The following ARAP1 variants were observed in gnomAD, a reference collection of about 807,000 sequenced individuals.
The protein encoded by ARAP1 is arf-GAP with Rho-GAP domain, ANK repeat and PH domain-containing protein 1.
ARAP1 carries 76 observed loss-of-function variants against 172.2 expected under a neutral mutation model. The ratio of observed to expected loss-of-function variants is 0.44; its 90% CI spans 0.37 to 0.53. ARAP1 has a LOEUF of 0.53. Among genes scored for constraint, ARAP1 ranks in the 20% least tolerant of loss-of-function variants. ARAP1 has a pLI of 0.00. For synonymous variants in ARAP1, 804 were observed against 803.3 expected (o/e 1.00, Z -0.01); for missense variants, 1,686 against 1,977.5 (o/e 0.85, Z 2.80).
chr11:72,723,176 C>T (rs1027392111), intron 3 of ARAP1, among the ~76,000 whole-genome samples: 3 of 152,086 alleles, frequency 2.0e-5, no homozygotes, highest in African/African-American at 7.2e-5. Flanking sequence ...GGTGTGGTAG[C>T]ACACACTTGT....
Position 72,697,326 on chromosome 11 carries a change from A to G in ARAP1, c.2950T>C (p.Cys984Arg), listed in dbSNP as rs768523596. The change falls in exon 21 of 35, where the codon TGC becomes CGC. Residue 984 changes from cysteine (C) to arginine (R), a missense_variant. By Grantham distance (180) the Cys-to-Arg change is radical. Around this residue, in one of 5 missense-constraint regions of ARAP1, gnomAD observed 274 missense variants for 262.7 expected, o/e 1.04. Coordinates refer to ENST00000393609, the MANE Select transcript of ARAP1 (RefSeq NM_001040118.3). ...VYRCVDYITQCGLTSEGIYRK... is the reference protein window; with the variant it reads ...VYRCVDYITQRGLTSEGIYRK... Reference sequence around the variant, plus strand: ...GCACCCTAGGGGCAGGGCTCACCGCACTGCGTGATGTAGTCCACACAGCGG... The same window carrying G: ...GCACCCTAGGGGCAGGGCTCACCGCGCTGCGTGATGTAGTCCACACAGCGG... 3 of 1,586,350 alleles carry G rather than the reference A, an allele frequency of 1.9e-6. No homozygotes were observed. The East Asian group carries it at 6.9e-5, about 36-fold the overall frequency.
intron 30 of ARAP1, chr11:72,689,651 G>C (rs1404023794): frequency 2.0e-5 from 3 of 152,232 alleles, no homozygotes; most frequent in Admixed American, 6.5e-5. Flanking sequence ...GCTCTCACAG[G>C]GGGTGTGGCT....
At chr11:72,705,501 G>A (rs1235935562) in intron 13 of ARAP1, 1 of 337,498 alleles carries the variant, frequency 3.0e-6, no homozygotes, top group Non-Finnish European at 5.4e-6. Context: ...TTCTCTAAAG[G>A]GCGAAATAGT....
intron 29 of ARAP1, 77 bp from the exon 30 acceptor site, chr11:72,692,862 G>T (rs1338701049): frequency 1.3e-6 from 2 of 1,578,200 alleles, no homozygotes; most frequent in Non-Finnish European, 1.7e-6. Context: ...GATGTGTGGG[G>T]TTGGGGTGTG....
intron 22 of ARAP1, 99 bp from the exon 23 acceptor site, chr11:72,696,753 C>T: frequency 9.4e-7 from 1 of 1,061,254 alleles, no homozygotes; most frequent in Admixed American, 2.7e-5. Flanking sequence ...GACAGCAGTC[C>T]CTGTGCCCTC....
In ARAP1 at chr11:72,693,370, G is replaced by A. The variant is rs767053238; in HGVS notation, c.3909C>T (p.Tyr1303=). 5.6e-6 allele frequency: 9 copies of A among 1,613,942 alleles called. No homozygotes were observed. The highest frequency in any genetic ancestry group is 1.3e-5 in the African/African-American group (1 of 75,016). ...GCAAGCAGCTGCTGTTGAGGATGAA[G>A]TAGCGATCGTGGAAGCCACCTGAGG... ...GLPSGGFHDR[Y]FILNSSCLRL... is the part of the protein sequence containing the mutation. Residue 1303 remains tyrosine (Y), a synonymous_variant, in exon 29 of 35, where the codon TAC becomes TAT. Coordinates refer to ENST00000393609, the MANE Select transcript of ARAP1 (RefSeq NM_001040118.3). The surrounding 1 kb of genome is among the most constrained non-coding windows in gnomAD (Gnocchi z 4.6).
At chr11:72,746,755 C>A (rs1858380249) in intron 1 of ARAP1, among the ~76,000 whole-genome samples, 2 of 152,028 alleles carry the variant, frequency 1.3e-5, no homozygotes, top group South Asian at 4.2e-4. Context: ...CTGGGGGATC[C>A]CCAGAGTCGC....
chr11:72,711,564 C>A, intron 7 of ARAP1, 65 bp from the exon 8 acceptor site: 1 of 1,401,344 alleles, frequency 7.1e-7, no homozygotes, highest in South Asian at 1.2e-5. Flanking sequence ...AGGACCACCC[C>A]AGCCCTCAGA....
rs537493553 is a variant in ARAP1, at chr11:72,741,220, G to A, written c.-127-8623C>T. Among the ~76,000 whole-genome samples, 1 of 151,804 alleles carries A rather than the reference G, an allele frequency of 6.6e-6. No individual in the cohort carries two copies. The highest frequency in any genetic ancestry group is 1.5e-5 in the Non-Finnish European group (1 of 67,952). ...GGCCCCTCAGCTTGCCTGGACTTCT[G>A]GGCCCTCACCGCTGCCTCCTGCCTC... On this transcript the variant is annotated intron_variant, in intron 1 of 34. Transcript: ENST00000393609. The surrounding 1 kb of genome is among the most constrained non-coding windows in gnomAD (Gnocchi z 4.5).
chr11:72,705,945 C>T, intron 12 of ARAP1, 55 bp from the exon 13 acceptor site: 1 of 1,577,062 alleles, frequency 6.3e-7, no homozygotes, highest in Non-Finnish European at 8.7e-7. Flanking sequence ...CACGGGAGCA[C>T]TTACCCACCC....
rs757748235 is a variant in ARAP1, at chr11:72,697,373, G to C, written c.2903C>G (p.Ser968Trp). The change falls in exon 21 of 35, where the codon TCG becomes TGG. Residue 968 changes from serine to tryptophan, a missense_variant. Around this residue, in one of 5 missense-constraint regions of ARAP1, gnomAD observed 274 missense variants for 262.7 expected, o/e 1.04. Transcript: ENST00000393609. ...DTLSEQQLGD[S>W]DIPVIVYRCV... ...GCGGTACACGATCACCGGGATATCC[G>C]AGTCCCCAAGCTGCTGCTCCGACAG... 2.5e-6 allele frequency: 4 copies of C among 1,607,326 alleles called. No individual in the cohort carries two copies. The South Asian group carries it at 4.4e-5, about 18-fold the overall frequency.
intron 1 of ARAP1, among the ~76,000 whole-genome samples, chr11:72,738,774 C>G (rs189841689): frequency 6.6e-6 from 1 of 152,230 alleles, no homozygotes; most frequent in African/African-American, 2.4e-5. Context: ...CTCACACTAC[C>G]TCAAGGGCCA....
intron 18 of ARAP1, among the ~76,000 whole-genome samples, 180 bp from the exon 19 acceptor site, chr11:72,698,286 T>A (rs1856312127): frequency 6.6e-6 from 1 of 152,032 alleles, no homozygotes; most frequent in Non-Finnish European, 1.5e-5. Flanking sequence ...TCATACCCAC[T>A]CAGATGTGCC....
At chr11:72,747,152 C>G (rs1858393347) in intron 1 of ARAP1, among the ~76,000 whole-genome samples, 1 of 152,202 alleles carries the variant, frequency 6.6e-6, no homozygotes, top group East Asian at 1.9e-4. Context: ...CCAGGTGTGA[C>G]CCCTGGTTCT....
Position 72,713,023 on chromosome 11 carries a change from T to TG in ARAP1, c.747+152dup. ...GAGCGCTGTGGCTACACGTGACTCC[T>TG]GACCCCCGTATGGCAAGAGAGTGAG... On this transcript the variant is annotated intron_variant, in intron 5 of 34. Coordinates refer to ENST00000393609, the MANE Select transcript of ARAP1 (RefSeq NM_001040118.3). 8.7e-6 allele frequency: 7 copies of TG among 808,992 alleles called. No individual in the cohort carries two copies. In the South Asian group the frequency reaches 1.2e-4, roughly 14 times the overall value. The allele number at this position is 808,992 out of a possible 1,614,324, so 50.1% of individuals were successfully genotyped here. A position where few individuals can be genotyped will look rare whatever the true frequency, so the allele number is the denominator to read the frequency against.
chr11:72,713,164 G>T lies in ARAP1; in HGVS notation c.747+12C>A. 1 of 1,613,752 alleles carries T rather than the reference G, an allele frequency of 6.2e-7. No individual in the cohort carries two copies. On this transcript the variant is annotated intron_variant, in intron 5 of 34. Coordinates refer to ENST00000393609, the MANE Select transcript of ARAP1 (RefSeq NM_001040118.3). The stretch of plus-strand genomic sequence containing the variant: ...CACCCTGACAGGCAGACAGTCCCAT[G>T]CCTGGCCCCACCTTCTTGGTCATCA...
At chr11:72,711,349 G>A in intron 8 of ARAP1, 81 bp downstream of exon 8, 1 of 1,537,356 alleles carries the variant, frequency 6.5e-7, no homozygotes, top group Non-Finnish European at 9.0e-7. Context: ...GACTCCTCTG[G>A]GGAGGGACGC....
intron 30 of ARAP1, chr11:72,688,978 T>C (rs1855812041): frequency 6.1e-6 from 1 of 164,824 alleles, no homozygotes; most frequent in African/African-American, 2.4e-5. Flanking sequence ...TGTGTCTATG[T>C]TCATCTCAGA....
chr11:72,697,541 C>T, intron 20 of ARAP1, 55 bp from the exon 21 acceptor site: 2 of 1,613,158 alleles, frequency 1.2e-6, no homozygotes, highest in Non-Finnish European at 1.7e-6. Context: ...ACCCTGTCCC[C>T]AGGCCCATCA....
Sources: allele counts gnomAD v4.1 joint callset (sites outside exome capture counted in the v4.1 genomes callset), GRCh38; gene constraint gnomAD v4.1.1; regional missense constraint gnomAD v4.1.1; non-coding constraint Gnocchi (gnomAD v3.1); transcripts MANE v1.5; gene names NCBI Gene and HGNC (gene_info 2026-07-23, HGNC 2026-07-21).